TRIP12: variants seen among roughly 807,000 people sequenced by gnomAD.
TRIP12 encodes the protein thyroid hormone receptor interactor 12.
A neutral mutation model predicts 244.2 loss-of-function variants in TRIP12; 25 were observed. The ratio of observed to expected loss-of-function variants is 0.10; its 90% CI spans 0.07 to 0.14. The LOEUF (loss-of-function observed/expected upper bound fraction) is 0.14, where lower values mean the gene tolerates loss of function less well. Ranked by LOEUF, TRIP12 falls within the 10% of genes least tolerant of loss-of-function variation. The pLI, the probability that TRIP12 is intolerant of heterozygous loss-of-function variation, is 1.00. For missense variants in TRIP12, 1,677 were observed against 2,486.4 expected (o/e 0.67, Z 6.92); for synonymous variants, 905 against 873.1 (o/e 1.04, Z -0.64).
chr2:229,823,787 G>A (rs1043241936), intron 8 of TRIP12, among the ~76,000 whole-genome samples: 12 of 151,986 alleles, frequency 7.9e-5, no homozygotes, highest in African/African-American at 2.7e-4. Context: ...AAGGGTCTGC[G>A]ACTAGCCTGC....
rs1559337645 is a variant in TRIP12 at position 229,778,259 on chromosome 2, C to G, written c.5364+174G>C. On this transcript the variant is annotated intron_variant, in intron 36 of 41. Coordinates refer to ENST00000675903, the MANE Select transcript of TRIP12 (RefSeq NM_001348323.3). The surrounding 1 kb of genome is among the most constrained non-coding windows in gnomAD (Gnocchi z 4.1). ...TCTTGGACAGTAGGACAGTCTTACC[C>G]CTGCCCTACTGAATCAGAACCGGCA... is the stretch of plus-strand genomic sequence containing the variant. Among the ~76,000 whole-genome samples the G allele has an allele frequency of 6.6e-6, 1 of 152,166 alleles. No homozygotes were observed. Among genetic ancestry groups the G allele is most frequent in the Non-Finnish European group, 1.5e-5 (1 of 68,026 alleles).
At chr2:229,830,675 AC>A in intron 7 of TRIP12, 80 bp downstream of exon 7, 1 of 1,395,740 alleles carries the variant, frequency 7.2e-7, no homozygotes, top group Admixed American at 1.9e-5. Context: ...AATGAATTTA[AC>A]TAAATTAATT....
rs191218794 is a variant in TRIP12 at position 229,829,117 on chromosome 2, A to C, written c.1450+76T>G. 1,331 of 1,344,576 alleles carry C rather than the reference A, an allele frequency of 9.9e-4. 17 individuals carry two copies. The highest frequency in any genetic ancestry group is 2.8e-3 in the Middle Eastern group (15 of 5,412). 83.3% of individuals were successfully genotyped at this position (1,344,576 alleles called of 1,614,324 possible). On this transcript the variant is annotated intron_variant, in intron 8 of 41. Transcript: ENST00000675903. ...GTTGATGAAAAACTTCTTAATACTT[A>C]CATCAATAGGTTACAAGTAACAATA...
intron 2 of TRIP12, among the ~76,000 whole-genome samples, chr2:229,867,104 T>TG (rs974276134): frequency 7.3e-5 from 11 of 151,062 alleles, no homozygotes; most frequent in African/African-American, 1.2e-4. Flanking sequence ...AGGGTTTTTT[T>TG]TTTTGTTTTT....
Position 229,894,428 on chromosome 2 carries a change from T to C in TRIP12, c.-49-14300A>G, listed in dbSNP as rs774574046. 51 of 152,096 alleles carry C rather than the reference T, an allele frequency of 3.4e-4. 1 individual carries two copies. Among genetic ancestry groups the C allele is most frequent in the South Asian group, 4.1e-4 (2 of 4,824 alleles). The allele number at this position is 152,096 out of a possible 1,614,324, so 9.4% of individuals were successfully genotyped here. On this transcript the variant is annotated intron_variant, in intron 1 of 41. Transcript: ENST00000675903. ...GGCCCCTGTGTAAGGATTACACAAT[T>C]TAATATTGTTTTTAAAGGCCTTTAT...
At chr2:229,799,417 A>T (rs1393865152) in intron 21 of TRIP12, 34 bp from the exon 22 acceptor site, 1 of 1,570,280 alleles carries the variant, frequency 6.4e-7, no homozygotes, top group South Asian at 1.1e-5. Flanking sequence ...AAGTTTAGCA[A>T]TTACCACTGT....
rs2043606627 is a variant in TRIP12, at chr2:229,799,299, GTCA to G, written c.3288_3290del (p.Asp1097del). ...AGGGGTTACCTTGATTGTCTACTTT[GTCA>G]TCATCTCTTGGAGGTGAGTACTTTG... On this transcript the variant is annotated inframe_deletion, in exon 22 of 42. Coordinates refer to ENST00000675903, the MANE Select transcript of TRIP12 (RefSeq NM_001348323.3). 6.2e-7 allele frequency: 1 copy of G among 1,613,990 alleles called. No homozygotes were observed. The highest frequency in any genetic ancestry group is 1.3e-5 in the African/African-American group (1 of 74,892).
At chr2:229,903,967 T>C (rs2071879266) in intron 1 of TRIP12, among the ~76,000 whole-genome samples, 1 of 151,248 alleles carries the variant, frequency 6.6e-6, no homozygotes, top group Admixed American at 6.6e-5. Context: ...GCCCAGGAAG[T>C]GAAGGCTGCA....
intron 4 of TRIP12, among the ~76,000 whole-genome samples, chr2:229,846,475 C>A (rs2057604405): frequency 6.6e-6 from 1 of 151,986 alleles, no homozygotes. Flanking sequence ...TTTTTAGACA[C>A]AATGCTATTT....
chr2:229,883,875 G>A (rs943213422), intron 1 of TRIP12, among the ~76,000 whole-genome samples: 2 of 152,108 alleles, frequency 1.3e-5, no homozygotes, highest in Admixed American at 1.3e-4. Flanking sequence ...ACAATCGGCT[G>A]GGCGCGGTGG....
chr2:229,903,043 AG>A (rs1314245846), intron 1 of TRIP12, among the ~76,000 whole-genome samples: 1 of 135,394 alleles, frequency 7.4e-6, no homozygotes, highest in Non-Finnish European at 1.5e-5. Context: ...TTTTGCCAGA[AG>A]TATGATCCAG....
At chr2:229,769,348 A>G in intron 39 of TRIP12, 23 bp from the exon 40 acceptor site, 4 of 1,608,922 alleles carry the variant, frequency 2.5e-6, no homozygotes, top group Non-Finnish European at 3.4e-6. Context: ...ATAAGGGTAA[A>G]AAGAATTACT....
Position 229,791,125 on chromosome 2 carries a change from G to C in TRIP12, c.4542C>G (p.His1514Gln), listed in dbSNP as rs143446404. 1 of 1,613,892 alleles carries C rather than the reference G, an allele frequency of 6.2e-7. No homozygotes were observed. The highest frequency in any genetic ancestry group is 1.7e-5 in the Admixed American group (1 of 60,006). ...RNAKKHDELW[H>Q]DGVCPSVSNP... ...TTTCCCCTTTATCTACCATCTTACC[G>C]TGCCATAACTCATCATGCTTTTTTG... Residue 1514 changes from histidine (H) to glutamine (Q), a missense_variant and splice_region_variant, in exon 30 of 42, where the codon CAC becomes CAG. Around this residue, in one of 11 missense-constraint regions of TRIP12, gnomAD observed 265 missense variants for 370.8 expected, o/e 0.71. Coordinates refer to ENST00000675903, the MANE Select transcript of TRIP12 (RefSeq NM_001348323.3).
intron 4 of TRIP12, among the ~76,000 whole-genome samples, chr2:229,842,408 A>G (rs773418633): frequency 4.6e-5 from 7 of 152,224 alleles, no homozygotes; most frequent in Non-Finnish European, 1.0e-4. Context: ...TTGGCTAATT[A>G]GCATCACATT....
At chr2:229,805,094 A>G (rs941888432) in intron 18 of TRIP12, among the ~76,000 whole-genome samples, 4 of 152,008 alleles carry the variant, frequency 2.6e-5, no homozygotes, top group African/African-American at 9.6e-5. Flanking sequence ...TTTAGTAGAG[A>G]TAGGGTTTCA....
intron 4 of TRIP12, among the ~76,000 whole-genome samples, chr2:229,854,837 T>C (rs2059319284): frequency 1.3e-5 from 2 of 152,216 alleles, no homozygotes. Context: ...CATTCTGTCC[T>C]CAAGGCCAAT....
chr2:229,818,737 T>G lies in TRIP12; in HGVS notation c.1451-225A>C, dbSNP rs3791838. Among the ~76,000 whole-genome samples the G allele has an allele frequency of 1.6e-3, 238 of 152,308 alleles. 3 individuals are homozygous for G. The East Asian group carries it at 0.042, about 27-fold the overall frequency. Reference sequence around the variant, plus strand: ...TTCACAGTTATATACTTCTGTCTTCTTAATTGAAAACTTGACTGGTTTTAC... The same window carrying G: ...TTCACAGTTATATACTTCTGTCTTCGTAATTGAAAACTTGACTGGTTTTAC... On this transcript the variant is annotated intron_variant, in intron 8 of 41. Coordinates refer to ENST00000675903, the MANE Select transcript of TRIP12 (RefSeq NM_001348323.3).
At chr2:229,872,111 A>AAG (rs1420929275) in intron 2 of TRIP12, among the ~76,000 whole-genome samples, 5 of 129,672 alleles carry the variant, frequency 3.9e-5, no homozygotes, top group Admixed American at 3.6e-4. Context: ...TTGTAAAAAA[A>AAG]AAAAAAAAAA....
chr2:229,876,220 G>C (rs1278558644), intron 2 of TRIP12, among the ~76,000 whole-genome samples: 1 of 152,142 alleles, frequency 6.6e-6, no homozygotes, highest in Non-Finnish European at 1.5e-5. Flanking sequence ...AGGTTGCAGT[G>C]AGCCCGGATG....
Sources: allele counts gnomAD v4.1 joint callset (sites outside exome capture counted in the v4.1 genomes callset), GRCh38; gene constraint gnomAD v4.1.1; regional missense constraint gnomAD v4.1.1; non-coding constraint Gnocchi (gnomAD v3.1); transcripts MANE v1.5; gene names NCBI Gene and HGNC (gene_info 2026-07-23, HGNC 2026-07-21).